ALDH1A1: variants seen among roughly 807,000 people sequenced by gnomAD.
ALDH1A1 encodes aldehyde dehydrogenase 1A1.
In ALDH1A1, 19 loss-of-function variants were observed where a neutral mutation model predicts 62.1. That is an observed-to-expected ratio of 0.31 (90% CI 0.21 to 0.45). The LOEUF (loss-of-function observed/expected upper bound fraction) is 0.45, where lower values mean the gene tolerates loss of function less well. Ranked by LOEUF, ALDH1A1 falls within the 20% of genes least tolerant of loss-of-function variation. ALDH1A1 has a pLI of 1.00. For synonymous variants in ALDH1A1, 231 were observed against 215.9 expected, an observed-to-expected ratio of 1.07 and a Z score of -0.61; for missense variants, 521 against 607.1, an observed-to-expected ratio of 0.86 and a Z score of 1.49.
At position 72,952,866 on chromosome 9, in the gene ALDH1A1, C is replaced by T. The variant is rs547989127; in HGVS notation, c.66+69G>A. 9 of 1,564,596 alleles carry T rather than the reference C, an allele frequency of 5.8e-6. No individual in the cohort carries two copies. In the Admixed American group the frequency reaches 1.6e-4, roughly 27 times the overall value. ...TTTACACAAGTTTACTTAAATTGAC[C>T]TTTAATGCTTTACATAAATGCAGTT... On this transcript the variant is annotated intron_variant, in intron 1 of 12. Coordinates refer to ENST00000297785, the MANE Select transcript of ALDH1A1 (RefSeq NM_000689.5).
At chr9:72,910,471 T>C (rs1029399221) in intron 10 of ALDH1A1, among the ~76,000 whole-genome samples, 1 of 152,142 alleles carries the variant, frequency 6.6e-6, no homozygotes, top group Non-Finnish European at 1.5e-5. Flanking sequence ...ATGGCTATAA[T>C]TGCAGGACAG....
chr9:72,918,972 A>G, intron 7 of ALDH1A1, 150 bp from the exon 8 acceptor site: 1 of 583,932 alleles, frequency 1.7e-6, no homozygotes, highest in Non-Finnish European at 3.0e-6. Context: ...ACGAAGTCTC[A>G]CACTGTCGAC....
At chr9:72,918,921 ATTTCAT>A (rs1219696104) in intron 7 of ALDH1A1, 99 bp from the exon 8 acceptor site, 4 of 822,628 alleles carry the variant, frequency 4.9e-6, no homozygotes, top group Non-Finnish European at 7.6e-6. Context: ...CCACAGTAAA[ATTTCAT>A]TTGGGAGAAA....
intron 7 of ALDH1A1, 180 bp downstream of exon 7, chr9:72,923,839 A>G: frequency 2.4e-6 from 1 of 422,866 alleles, no homozygotes; most frequent in Non-Finnish European, 4.2e-6. Context: ...TAGGTGCATC[A>G]TGTCATTCAA....
intron 1 of ALDH1A1, among the ~76,000 whole-genome samples, chr9:72,941,942 T>C (rs1484143871): frequency 6.6e-6 from 1 of 152,108 alleles, no homozygotes. Flanking sequence ...GCTGTTCAGA[T>C]GAAGAGACTA....
chr9:72,906,529 A>G (rs965669707), intron 11 of ALDH1A1, among the ~76,000 whole-genome samples: 1 of 152,168 alleles, frequency 6.6e-6, no homozygotes, highest in African/African-American at 2.4e-5. Flanking sequence ...AATTGCTTAA[A>G]CAGAGGCCTT....
intron 1 of ALDH1A1, among the ~76,000 whole-genome samples, chr9:72,951,593 T>G (rs988197784): frequency 6.6e-6 from 1 of 151,934 alleles, no homozygotes; most frequent in African/African-American, 2.4e-5. Flanking sequence ...TATTTTTAAA[T>G]GTACCCACTT....
chr9:72,931,159 G>T (rs112907590), intron 2 of ALDH1A1, 140 bp from the exon 3 acceptor site: 3 of 849,412 alleles, frequency 3.5e-6, no homozygotes, highest in Non-Finnish European at 5.4e-6. Context: ...AACACATTGC[G>T]CACATTCAAC....
chr9:72,939,591 C>T (rs1478151472), intron 2 of ALDH1A1, among the ~76,000 whole-genome samples: 2 of 148,854 alleles, frequency 1.3e-5, no homozygotes, highest in African/African-American at 2.5e-5. Flanking sequence ...GATCTCGGCT[C>T]ACTGCAACCT....
chr9:72,930,932 G>C lies in ALDH1A1; in HGVS notation c.259C>G (p.Arg87Gly). The C allele has an allele frequency of 6.2e-7, 1 of 1,613,860 alleles. No individual in the cohort carries two copies. The highest frequency in any genetic ancestry group is 8.5e-7 in the Non-Finnish European group (1 of 1,179,930). Residue 87 changes from arginine to glycine, a missense_variant, in exon 3 of 13, where the codon CGA becomes GGA. Coordinates refer to ENST00000297785, the MANE Select transcript of ALDH1A1 (RefSeq NM_000689.5). ...WRTMDASERG[R>G]LLYKLADLIE... ...AAATCAGCCAACTTGTATAATAGTC[G>C]CCCCCTCTCGGAAGCATCCATAGTA...
intron 2 of ALDH1A1, among the ~76,000 whole-genome samples, chr9:72,935,426 C>G (rs1206006454): frequency 2.6e-5 from 4 of 152,114 alleles, no homozygotes; most frequent in African/African-American, 4.8e-5. Flanking sequence ...TCCTAAAGCA[C>G]AGTTAAGGAA....
In ALDH1A1 at chr9:72,934,055, C is replaced by T. The variant is rs149066027; in HGVS notation, c.172-3036G>A. ...AAGTGATCCTCTCACCTTGACCTTCCGAAGTGCTATGATTGCAGGCATGAG... is the reference window on the plus strand; with the variant it reads ...AAGTGATCCTCTCACCTTGACCTTCTGAAGTGCTATGATTGCAGGCATGAG... On this transcript the variant is annotated intron_variant, in intron 2 of 12. Coordinates refer to ENST00000297785, the MANE Select transcript of ALDH1A1 (RefSeq NM_000689.5). Among the ~76,000 whole-genome samples, 1,502 of 152,146 alleles carry T rather than the reference C, an allele frequency of 9.9e-3. 19 individuals carry two copies. Among genetic ancestry groups the T allele is most frequent in the African/African-American group, 0.034 (1,406 of 41,506 alleles).
Position 72,906,010 on chromosome 9 carries a change from T to C in ALDH1A1, c.1381A>G (p.Ser461Gly). 1 of 1,612,548 alleles carries C rather than the reference T, an allele frequency of 6.2e-7. No homozygotes were observed. Among genetic ancestry groups the C allele is most frequent in the South Asian group, 1.1e-5 (1 of 90,840 alleles). The change falls in exon 12 of 13, where the codon AGT becomes GGT. Residue 461 changes from serine to glycine, a missense_variant. Ser to Gly is a moderately conservative substitution (Grantham distance 56). Transcript: ENST00000297785. ...AATCCACCAAAGGGGCACTGGGCAC[T>C]TACCACGCCATAGCAATTCACCCTG... ...TVWVNCYGVV[S>G]AQCPFGGFKM...
In ALDH1A1 at chr9:72,906,017, G is replaced by A. The variant is rs755799729; in HGVS notation, c.1374C>T (p.Gly458=). 23 of 1,611,076 alleles carry A rather than the reference G, an allele frequency of 1.4e-5. No individual in the cohort carries two copies. The East Asian group carries it at 2.7e-4, about 19-fold the overall frequency. The change falls in exon 12 of 13, where the codon GGC becomes GGT. Residue 458 remains glycine, a synonymous_variant. Coordinates refer to ENST00000297785, the MANE Select transcript of ALDH1A1 (RefSeq NM_000689.5). ...CAAAGGGGCACTGGGCACTTACCAC[G>A]CCATAGCAATTCACCCTGAAGGAAA... is the stretch of plus-strand genomic sequence containing the variant. ...QAGTVWVNCY[G]VVSAQCPFGG...
chr9:72,905,137 G>T (rs12347296), intron 12 of ALDH1A1, among the ~76,000 whole-genome samples: 1 of 152,026 alleles, frequency 6.6e-6, no homozygotes, highest in Non-Finnish European at 1.5e-5. Flanking sequence ...GCAAGTTTAC[G>T]ATCTGTGTTT....
intron 1 of ALDH1A1, among the ~76,000 whole-genome samples, chr9:72,949,976 G>A (rs1431677321): frequency 6.6e-6 from 1 of 151,784 alleles, no homozygotes; most frequent in Non-Finnish European, 1.5e-5. Flanking sequence ...TCACTCTGAT[G>A]CAATCTTTGT....
chr9:72,917,549 G>A, intron 8 of ALDH1A1, among the ~76,000 whole-genome samples: 1 of 152,154 alleles, frequency 6.6e-6, no homozygotes. Context: ...AACAGGAAAT[G>A]TGATCTTTGT....
intron 5 of ALDH1A1, among the ~76,000 whole-genome samples, chr9:72,926,221 G>A (rs1169291520): frequency 6.6e-6 from 1 of 152,160 alleles, no homozygotes; most frequent in Non-Finnish European, 1.5e-5. Context: ...CCAAGAAAGA[G>A]GGCCAGGGGC....
intron 11 of ALDH1A1, among the ~76,000 whole-genome samples, chr9:72,909,087 T>A (rs929667464): frequency 4.6e-5 from 7 of 151,866 alleles, no homozygotes; most frequent in African/African-American, 1.7e-4. Flanking sequence ...ACAATATTTT[T>A]GGTAAGCAAT....
Sources: allele counts gnomAD v4.1 joint callset (sites outside exome capture counted in the v4.1 genomes callset), GRCh38; gene constraint gnomAD v4.1.1; transcripts MANE v1.5; gene names NCBI Gene and HGNC (gene_info 2026-07-23, HGNC 2026-07-21).